Variants in USP3 observed in about 807,000 individuals in gnomAD.
The protein encoded by USP3 is ubiquitin carboxyl-terminal hydrolase 3.
In USP3, 20 loss-of-function variants were observed where a neutral mutation model predicts 72.3. The observed-to-expected ratio is 0.28, with a 90% CI of 0.19 to 0.40. The LOEUF (loss-of-function observed/expected upper bound fraction) is 0.40. Ranked by LOEUF, USP3 falls within the 10% of genes least tolerant of loss-of-function variation. The pLI, the probability that USP3 is intolerant of heterozygous loss-of-function variation, is 1.00. For missense variants in USP3, 479 were observed against 633.9 expected (o/e 0.76, Z 2.62); for synonymous variants, 222 against 225.3 (o/e 0.99, Z 0.13).
In USP3 at chr15:63,570,975, C is replaced by T. The variant is rs2066769712; in HGVS notation, c.908+396C>T. Among the ~76,000 whole-genome samples, 1 of 152,120 alleles carries T rather than the reference C, an allele frequency of 6.6e-6. No individual in the cohort carries two copies. The highest frequency in any genetic ancestry group is 1.9e-4 in the East Asian group (1 of 5,202). Reference sequence around the variant, plus strand: ...TAAAACATTTTGAATGTGAACTTTCCTAAAGCTTCATTATGGACTTGAACT... The same window carrying T: ...TAAAACATTTTGAATGTGAACTTTCTTAAAGCTTCATTATGGACTTGAACT... On this transcript the variant is annotated intron_variant, in intron 9 of 14. Coordinates refer to ENST00000380324, the MANE Select transcript of USP3 (RefSeq NM_006537.4). This position sits in a 1 kb window ranked among gnomAD's most constrained non-coding sequence, Gnocchi z 4.4.
intron 9 of USP3, among the ~76,000 whole-genome samples, chr15:63,572,522 C>T (rs959631905): frequency 1.3e-5 from 2 of 151,916 alleles, no homozygotes; most frequent in African/African-American, 4.8e-5. Flanking sequence ...GTCTTACAAA[C>T]AGTACTTTAA....
chr15:63,590,164 T>C (rs1001028119), intron 14 of USP3, among the ~76,000 whole-genome samples: 55 of 152,296 alleles, frequency 3.6e-4, no homozygotes, highest in African/African-American at 1.2e-3. Flanking sequence ...ATGAGATGGA[T>C]CTTTATTATT....
intron 11 of USP3, among the ~76,000 whole-genome samples, chr15:63,576,773 G>C (rs1445744876): frequency 6.6e-6 from 1 of 152,196 alleles, no homozygotes; most frequent in Non-Finnish European, 1.5e-5. Context: ...TTTTATTTAA[G>C]AGCTTATTGT....
chr15:63,555,197 A>G (rs1732685129), intron 4 of USP3, among the ~76,000 whole-genome samples: 3 of 152,162 alleles, frequency 2.0e-5, no homozygotes, highest in Admixed American at 2.0e-4. Flanking sequence ...TGAAAAATCT[A>G]CCTTACAGCC....
intron 1 of USP3, among the ~76,000 whole-genome samples, chr15:63,514,333 CTT>C (rs1024132539): frequency 2.0e-5 from 3 of 151,858 alleles, no homozygotes; most frequent in African/African-American, 7.3e-5. Flanking sequence ...AATTCCGACT[CTT>C]GGTTTTGGTT....
intron 9 of USP3, among the ~76,000 whole-genome samples, chr15:63,571,329 T>C (rs1353474460): frequency 1.3e-5 from 2 of 152,234 alleles, no homozygotes; most frequent in Non-Finnish European, 2.9e-5. Context: ...ATAGGTGTCA[T>C]TGTATTGCCT....
chr15:63,521,013 C>G (rs1244924432), intron 1 of USP3, among the ~76,000 whole-genome samples: 1 of 152,126 alleles, frequency 6.6e-6, no homozygotes, highest in Admixed American at 6.5e-5. Flanking sequence ...CTCCTACCCA[C>G]CCCCTGTAGA....
rs1052481119 is a variant in USP3 at position 63,574,839 on chromosome 15, G to A, written c.1096+436G>A. Among the ~76,000 whole-genome samples, 2 of 152,170 alleles carry A rather than the reference G, an allele frequency of 1.3e-5. No homozygotes were observed. Among genetic ancestry groups the A allele is most frequent in the Non-Finnish European group, 2.9e-5 (2 of 68,022 alleles). On this transcript the variant is annotated intron_variant, in intron 11 of 14. Coordinates refer to ENST00000380324, the MANE Select transcript of USP3 (RefSeq NM_006537.4). This position sits in a 1 kb window ranked among gnomAD's most constrained non-coding sequence, Gnocchi z 4.6. Reference sequence around the variant, plus strand: ...AACTGCTGCTTAAGCCTGAGGCCCTGCTTTTAAGACTGTTAAAATTCACAT... The same window carrying A: ...AACTGCTGCTTAAGCCTGAGGCCCTACTTTTAAGACTGTTAAAATTCACAT...
chr15:63,553,688 A>G lies in USP3; in HGVS notation c.285-27A>G, dbSNP rs1169305358. 6 of 1,604,744 alleles carry G rather than the reference A, an allele frequency of 3.7e-6. No individual in the cohort carries two copies. Among genetic ancestry groups the G allele is most frequent in the Non-Finnish European group, 4.3e-6 (5 of 1,175,232 alleles). On this transcript the variant is annotated intron_variant, in intron 3 of 14. Coordinates refer to ENST00000380324, the MANE Select transcript of USP3 (RefSeq NM_006537.4). The surrounding 1 kb of genome is among the most constrained non-coding windows in gnomAD (Gnocchi z 4.2). ...ACTGTGGTTTCCTCAAGCTCTTTAC[A>G]CACATTGATTAATATTTTCCTTGCA...
At position 63,592,942 on chromosome 15, in the gene USP3, T is replaced by C. The variant is rs1461401291; in HGVS notation, c.*2116T>C. The C allele has an allele frequency of 1.3e-5, 2 of 152,190 alleles. No homozygotes were observed. Among genetic ancestry groups the C allele is most frequent in the Non-Finnish European group, 2.9e-5 (2 of 68,024 alleles). The allele number at this position is 152,190 out of a possible 1,614,324, so 9.4% of individuals were successfully genotyped here. A position where few individuals can be genotyped will look rare whatever the true frequency, so the allele number is the denominator to read the frequency against. ...CATGACAAGGAGCAAATTACAATTA[T>C]GTGTAAACTTATATCATCCAGTACA... On this transcript the variant is annotated 3_prime_UTR_variant, in exon 15 of 15. Transcript: ENST00000380324.
At chr15:63,566,111 T>G (rs991281248) in intron 8 of USP3, among the ~76,000 whole-genome samples, 1 of 152,234 alleles carries the variant, frequency 6.6e-6, no homozygotes, top group African/African-American at 2.4e-5. Flanking sequence ...CTGTACAACC[T>G]GATTTAATAT....
At position 63,528,982 on chromosome 15, in the gene USP3, CT is replaced by C. The variant is rs1162285195; in HGVS notation, c.92-3664del. ...ATGCCATTTATTGGCTTCAGAATCC[CT>C]CATAATACCCTATCCTCTGTATCTT... On this transcript the variant is annotated intron_variant, in intron 1 of 14. Coordinates refer to ENST00000380324, the MANE Select transcript of USP3 (RefSeq NM_006537.4). This position sits in a 1 kb window ranked among gnomAD's most constrained non-coding sequence, Gnocchi z 4.3. The C allele has an allele frequency of 4.7e-6, 6 of 1,286,214 alleles. No individual in the cohort carries two copies. In the African/African-American group the frequency reaches 7.6e-5, roughly 16 times the overall value. The allele number at this position is 1,286,214 out of a possible 1,614,324, so 79.7% of individuals were successfully genotyped here.
At chr15:63,537,186 TCTTACTGTGTGCAAGTGTGCTCTCCTCCC>T (rs771514191) in intron 3 of USP3, 30 bp downstream of exon 3, 2 of 1,605,942 alleles carry the variant, frequency 1.2e-6, no homozygotes, top group Admixed American at 3.4e-5. Context: ...AAATGAGATT[TCTTACTGTGTGCAAGTGTGCTCTCCTCCC>T]CTCCCTTCCC....
rs1415860128 is a variant in USP3, at chr15:63,570,391, G to C, written c.762-42G>C. The C allele has an allele frequency of 6.2e-7, 1 of 1,611,788 alleles. No individual in the cohort carries two copies. Among genetic ancestry groups the C allele is most frequent in the South Asian group, 1.1e-5 (1 of 90,926 alleles). ...TTGCTGGTGTGGCTGGGCACAAAGA[G>C]CCCTCCACCCGGCCTTATAAGTGAC... On this transcript the variant is annotated intron_variant, in intron 8 of 14. Coordinates refer to ENST00000380324, the MANE Select transcript of USP3 (RefSeq NM_006537.4). This position sits in a 1 kb window ranked among gnomAD's most constrained non-coding sequence, Gnocchi z 4.4.
At chr15:63,589,265 A>G (rs1416516915) in intron 14 of USP3, among the ~76,000 whole-genome samples, 4 of 152,238 alleles carry the variant, frequency 2.6e-5, no homozygotes, top group Admixed American at 2.6e-4. Flanking sequence ...ATTTGTCCAC[A>G]AACTCCAAAG....
chr15:63,504,648 G>A lies in USP3; in HGVS notation c.-92G>A, dbSNP rs2065683176. Reference sequence around the variant, plus strand: ...CCGCCGTCGGCCGAGCGCCCGGCTAGAAGCGACACCAGACGGAGCCTCCGG... The same window carrying A: ...CCGCCGTCGGCCGAGCGCCCGGCTAAAAGCGACACCAGACGGAGCCTCCGG... On this transcript the variant is annotated 5_prime_UTR_variant, in exon 1 of 15. Transcript: ENST00000380324. 1 of 1,161,180 alleles carries A rather than the reference G, an allele frequency of 8.6e-7. No homozygotes were observed. The highest frequency in any genetic ancestry group is 1.2e-6 in the Non-Finnish European group (1 of 857,244). 71.9% of individuals were successfully genotyped at this position (1,161,180 alleles called of 1,614,324 possible). A position where few individuals can be genotyped will look rare whatever the true frequency, so the allele number is the denominator to read the frequency against.
Position 63,549,118 on chromosome 15 carries a change from T to C in USP3, c.285-4597T>C, listed in dbSNP as rs140588804. 8.7e-4 allele frequency among the ~76,000 whole-genome samples: 133 copies of C among 152,336 alleles called. 2 individuals are homozygous for C. In the East Asian group the frequency reaches 0.023, roughly 26 times the overall value. On this transcript the variant is annotated intron_variant, in intron 3 of 14. Coordinates refer to ENST00000380324, the MANE Select transcript of USP3 (RefSeq NM_006537.4). ...AAATACTGTGTCAACATGTAATCAA[T>C]GTAAAATTATTAGAGATAGTTTGCA...
Position 63,544,060 on chromosome 15 carries a change from G to A in USP3, c.284+6904G>A, listed in dbSNP as rs2066284448. 6.7e-6 allele frequency among the ~76,000 whole-genome samples: 1 copy of A among 148,992 alleles called. No homozygotes were observed. Among genetic ancestry groups the A allele is most frequent in the Admixed American group, 6.7e-5 (1 of 14,960 alleles). On this transcript the variant is annotated intron_variant, in intron 3 of 14. Transcript: ENST00000380324. The surrounding 1 kb of genome is among the most constrained non-coding windows in gnomAD (Gnocchi z 4.2). The stretch of plus-strand genomic sequence containing the variant: ...CACTGTCTTTAAAAAAAAAAAAAAA[G>A]GAAATTAGTTTAATAATAGTATGAA...
chr15:63,557,286 G>A (rs560215456), intron 5 of USP3, among the ~76,000 whole-genome samples: 113 of 148,272 alleles, frequency 7.6e-4, no homozygotes, highest in African/African-American at 2.7e-3. Flanking sequence ...TTTTTGAGAT[G>A]GAGTCTCACT....
Sources: allele counts gnomAD v4.1 joint callset (sites outside exome capture counted in the v4.1 genomes callset), GRCh38; gene constraint gnomAD v4.1.1; non-coding constraint Gnocchi (gnomAD v3.1); transcripts MANE v1.5; gene names NCBI Gene and HGNC (gene_info 2026-07-23, HGNC 2026-07-21).